Variants in DMD observed in about 807,000 individuals in gnomAD.
DMD encodes the protein dystrophin.
In DMD, 63 loss-of-function variants were observed where a neutral mutation model predicts 330.1. The ratio of observed to expected loss-of-function variants is 0.19; its 90% confidence interval spans 0.16 to 0.24. DMD has a LOEUF of 0.24. Ranked by LOEUF, DMD falls within the 10% of genes least tolerant of loss-of-function variation. The probability of loss-of-function intolerance (pLI) is 1.00; values close to 1 mark genes in which losing one functional copy is unlikely to be tolerated. For missense variants in DMD, 3,344 were observed against 2,684.1 expected (o/e 1.25, Z -5.43); for synonymous variants, 1,223 against 959.8 (o/e 1.27, Z -5.07).
chrX:31,987,814 A>G (rs2095520009), intron 44 of DMD, among the ~76,000 whole-genome samples: 1 of 112,137 alleles, frequency 8.9e-6, no homozygotes, highest in East Asian at 2.8e-4. Context: ...GAACTACCAT[A>G]CGATACAGCA....
chrX:31,904,960 G>A (rs756323889), intron 47 of DMD, among the ~76,000 whole-genome samples: 13 of 111,743 alleles, frequency 1.2e-4, no homozygotes, highest in Admixed American at 3.8e-4. Flanking sequence ...TTAAATAATG[G>A]TGAAGTTGTA....
intron 63 of DMD, among the ~76,000 whole-genome samples, chrX:31,249,620 C>T (rs1411241295): frequency 9.0e-6 from 1 of 111,104 alleles, no homozygotes; most frequent in African/African-American, 3.3e-5. Context: ...TACGTGTATG[C>T]TTTCCAAAAG....
intron 1 of DMD, among the ~76,000 whole-genome samples, chrX:33,232,017 C>A (rs1316959116): frequency 2.7e-5 from 3 of 111,261 alleles, no homozygotes; most frequent in Non-Finnish European, 5.7e-5. Flanking sequence ...TGGGCCAAGC[C>A]AGCAAGAAAA....
intron 19 of DMD, among the ~76,000 whole-genome samples, chrX:32,499,573 A>T (rs1339697330): frequency 1.8e-5 from 2 of 111,766 alleles, no homozygotes; most frequent in African/African-American, 6.5e-5. Context: ...GCAAGAATGT[A>T]TGTGTCTTAC....
At chrX:32,909,373 T>C (rs2087023814) in intron 2 of DMD, among the ~76,000 whole-genome samples, 1 of 111,748 alleles carries the variant, frequency 8.9e-6, no homozygotes, top group South Asian at 3.7e-4. Flanking sequence ...ATGAATCATA[T>C]GTAGTCATTC....
rs1461582045 is a variant in DMD at position 31,285,743 on chromosome X, T to C, written c.9225-24727A>G. 4.5e-5 allele frequency among the ~76,000 whole-genome samples: 5 copies of C among 111,996 alleles called. No individual in the cohort carries two copies. In the Admixed American group the frequency reaches 4.8e-4, roughly 11 times the overall value. On this transcript the variant is annotated intron_variant, in intron 62 of 78. Transcript: ENST00000357033. ...GTAATAAACTCCAGCTGGCATATCA[T>C]GAGCCTAGTTATGTCAAAATAAATA... is the stretch of plus-strand genomic sequence containing the variant.
intron 2 of DMD, among the ~76,000 whole-genome samples, chrX:32,887,242 G>A (rs1224797701): frequency 9.1e-6 from 1 of 110,031 alleles, no homozygotes; most frequent in Non-Finnish European, 1.9e-5. Flanking sequence ...AGCTACTTGG[G>A]AGGCTGAGGC....
intron 2 of DMD, among the ~76,000 whole-genome samples, chrX:33,014,523 T>A (rs1027396906): frequency 5.4e-5 from 6 of 111,631 alleles, no homozygotes; most frequent in Non-Finnish European, 9.4e-5. Context: ...TTGGGGTTAC[T>A]AGTTGCTGCA....
At chrX:31,230,172 T>C (rs2047055050) in intron 63 of DMD, among the ~76,000 whole-genome samples, 1 of 112,052 alleles carries the variant, frequency 8.9e-6, no homozygotes, top group Non-Finnish European at 1.9e-5. Context: ...ATCATCAACA[T>C]AGAGCTTTAC....
At chrX:32,614,537 A>G in intron 11 of DMD, 84 bp from the exon 12 acceptor site, 1 of 852,715 alleles carries the variant, frequency 1.2e-6, no homozygotes, top group South Asian at 2.3e-5. Context: ...TAGAATTTAT[A>G]ATATATGGAA....
At chrX:32,184,832 CTTTTTTTTT>C (rs78157427) in intron 44 of DMD, among the ~76,000 whole-genome samples, 3 of 60,665 alleles carry the variant, frequency 4.9e-5, no homozygotes, top group African/African-American at 1.2e-4. Flanking sequence ...CTACAGATGT[CTTTTTTTTT>C]TTTTTTTTTT....
chrX:33,215,113 T>G (rs1339220389), upstream of DMD, among the ~76,000 whole-genome samples: 1 of 110,920 alleles, frequency 9.0e-6, no homozygotes, highest in African/African-American at 3.3e-5. Flanking sequence ...GGCAGGCAGA[T>G]CGCTTTGAGC....
intron 1 of DMD, among the ~76,000 whole-genome samples, chrX:33,292,812 T>C (rs1468832596): frequency 9.0e-6 from 1 of 111,408 alleles, no homozygotes; most frequent in Non-Finnish European, 1.9e-5. Context: ...TTCATTTGAC[T>C]CCTACTCTAT....
chrX:32,606,756 C>G (rs867830019), intron 12 of DMD, among the ~76,000 whole-genome samples: 1 of 104,851 alleles, frequency 9.5e-6, no homozygotes, highest in African/African-American at 3.4e-5. Context: ...CACACACATA[C>G]ATATATATAC....
At chrX:32,553,906 A>G (rs1438296240) in intron 16 of DMD, among the ~76,000 whole-genome samples, 2 of 111,677 alleles carry the variant, frequency 1.8e-5, no homozygotes, top group African/African-American at 6.5e-5. Context: ...AACCCTTGCC[A>G]GATCGTGGCC....
At chrX:31,206,489 T>C in intron 66 of DMD, 93 bp downstream of exon 66, 2 of 794,466 alleles carry the variant, frequency 2.5e-6, no homozygotes, top group Non-Finnish European at 3.8e-6. Context: ...AGGAATCTGC[T>C]GTCAAATAAG....
intron 29 of DMD, among the ~76,000 whole-genome samples, chrX:32,419,896 G>C (rs910297275): frequency 8.9e-6 from 1 of 111,740 alleles, no homozygotes; most frequent in Admixed American, 9.5e-5. Context: ...TGATAGAATG[G>C]TCAATGAGCT....
chrX:33,231,874 T>G (rs2052393456), intron 1 of DMD, among the ~76,000 whole-genome samples: 1 of 111,501 alleles, frequency 9.0e-6, no homozygotes, highest in African/African-American at 3.3e-5. Flanking sequence ...CTTTCTGCCT[T>G]TCTGTCTTAT....
intron 59 of DMD, among the ~76,000 whole-genome samples, chrX:31,454,837 C>T (rs1255259690): frequency 1.8e-5 from 2 of 110,978 alleles, no homozygotes; most frequent in African/African-American, 6.5e-5. Context: ...ACTGCAGCCT[C>T]AAACTCCTGG....
Sources: allele counts gnomAD v4.1 joint callset (sites outside exome capture counted in the v4.1 genomes callset), GRCh38; gene constraint gnomAD v4.1.1; transcripts MANE v1.5; gene names NCBI Gene and HGNC (gene_info 2026-07-23, HGNC 2026-07-21).